The following ADGRL1 variants were observed in gnomAD, a reference collection of about 807,000 sequenced individuals.
ADGRL1 encodes adhesion G protein-coupled receptor L1.
ADGRL1 carries 31 observed loss-of-function variants against 148.9 expected under a neutral mutation model. The observed-to-expected ratio is 0.21, with a 90% confidence interval of 0.16 to 0.28. The LOEUF (loss-of-function observed/expected upper bound fraction) is 0.28, where lower values mean the gene tolerates loss of function less well. Among genes scored for constraint, ADGRL1 ranks in the 10% least tolerant of loss-of-function variants. ADGRL1 has a pLI of 1.00. For synonymous variants in ADGRL1, 937 were observed against 900.3 expected (o/e 1.04, Z -0.73); for missense variants, 1,521 against 2,058.8 (o/e 0.74, Z 5.05).
At chr19:14,156,890 G>T (rs1297683107) in intron 15 of ADGRL1, 35 bp downstream of exon 15, 2 of 1,598,430 alleles carry the variant, frequency 1.3e-6, no homozygotes, top group East Asian at 2.2e-5. Context: ...AGGGAACCAG[G>T]TGGGAGGGTG....
At position 14,163,166 on chromosome 19, in the gene ADGRL1, A is replaced by G; in HGVS notation, c.635T>C (p.Val212Ala). The change falls in exon 5 of 23, where the codon GTG (valine) becomes GCG (alanine). Residue 212 changes from valine to alanine, a missense_variant. This residue lies in a region of ADGRL1 where 334 missense variants were observed against 512.5 expected (regional missense o/e 0.65). Transcript: ENST00000361434. ...LPNRVDGTGF[V>A]VYDGAVFYNK... ...GTAGAAGACGGCACCATCGTAGACC[A>G]CAAAGCCTGTGCCATCCACGCGGTT... is the stretch of plus-strand genomic sequence containing the variant. 1 of 1,613,850 alleles carries G rather than the reference A, an allele frequency of 6.2e-7. No individual in the cohort carries two copies. Among genetic ancestry groups the G allele is most frequent in the Non-Finnish European group, 8.5e-7 (1 of 1,179,982 alleles).
chr19:14,166,631 C>T (rs559126209), intron 4 of ADGRL1, among the ~76,000 whole-genome samples: 5 of 151,636 alleles, frequency 3.3e-5, no homozygotes, highest in East Asian at 1.9e-4. Flanking sequence ...GTGGGGGAGC[C>T]GGGGAAGGGA....
chr19:14,163,436 T>C lies in ADGRL1; in HGVS notation c.395-30A>G, dbSNP rs762826677. The C allele has an allele frequency of 3.7e-6, 5 of 1,369,122 alleles. No homozygotes were observed. The East Asian group carries it at 1.3e-4, about 37-fold the overall frequency. The allele number at this position is 1,369,122 out of a possible 1,614,324, so 84.8% of individuals were successfully genotyped here. On this transcript the variant is annotated intron_variant, in intron 4 of 22. Coordinates refer to ENST00000361434, the MANE Select transcript of ADGRL1 (RefSeq NM_014921.5). The stretch of plus-strand genomic sequence containing the variant: ...GCAGAGTGGGCGGGAGGGGAGGAGG[T>C]AGGAGAGAAGGGGCAGAGGCGAGAG...
At chr19:14,192,167 C>T (rs1183900254) in intron 1 of ADGRL1, among the ~76,000 whole-genome samples, 7 of 152,156 alleles carry the variant, frequency 4.6e-5, no homozygotes, top group African/African-American at 1.7e-4. Flanking sequence ...ACAATTTAGT[C>T]CATAACCTCA....
intron 11 of ADGRL1, among the ~76,000 whole-genome samples, chr19:14,158,883 G>A (rs1969050757): frequency 6.6e-6 from 1 of 152,240 alleles, no homozygotes. Flanking sequence ...TCTGAGCTGT[G>A]AGGCCCAGGA....
chr19:14,199,320 A>G (rs1285211923), intron 1 of ADGRL1, among the ~76,000 whole-genome samples: 1 of 152,004 alleles, frequency 6.6e-6, no homozygotes, highest in Non-Finnish European at 1.5e-5. Context: ...CCAGACACTG[A>G]GGGGCTGGGT....
intron 1 of ADGRL1, among the ~76,000 whole-genome samples, chr19:14,204,201 T>C (rs1422617067): frequency 6.6e-6 from 1 of 152,086 alleles, no homozygotes; most frequent in Admixed American, 6.6e-5. Context: ...ATAATGAAGG[T>C]TGTAATCCTT....
In ADGRL1 at chr19:14,148,408, C is replaced by G. The variant is rs1460444208; in HGVS notation, c.*2465G>C. The G allele has an allele frequency of 6.6e-6, 1 of 152,312 alleles. No individual in the cohort carries two copies. Among genetic ancestry groups the G allele is most frequent in the Non-Finnish European group, 1.5e-5 (1 of 68,108 alleles). The allele number at this position is 152,312 out of a possible 1,614,324, so 9.4% of individuals were successfully genotyped here. The stretch of plus-strand genomic sequence containing the variant: ...AAGGCTGGGCAGGGAGGAAGTTGGC[C>G]TCTCTGTGTGCCTCAGCCCCCTGGA... On this transcript the variant is annotated 3_prime_UTR_variant, in exon 23 of 23. Transcript: ENST00000361434.
intron 1 of ADGRL1, among the ~76,000 whole-genome samples, chr19:14,191,872 T>TC: frequency 6.6e-6 from 1 of 152,186 alleles, no homozygotes; most frequent in East Asian, 1.9e-4. Flanking sequence ...CTTTTTCGAT[T>TC]TTTTTTGTAG....
rs994726861 is a variant in ADGRL1, at chr19:14,157,553, C to T, written c.2536-93G>A. 2.3e-6 allele frequency: 3 copies of T among 1,330,624 alleles called. No homozygotes were observed. Among genetic ancestry groups the T allele is most frequent in the African/African-American group, 1.4e-5 (1 of 69,162 alleles). 82.4% of individuals were successfully genotyped at this position (1,330,624 alleles called of 1,614,324 possible). ...GCCACAGACAGGGCCCTGGGCAAGGCCATGGGCCGTGAGGACCTCTGGTGC... is the reference window on the plus strand; with the variant it reads ...GCCACAGACAGGGCCCTGGGCAAGGTCATGGGCCGTGAGGACCTCTGGTGC... On this transcript the variant is annotated intron_variant, in intron 13 of 22. Coordinates refer to ENST00000361434, the MANE Select transcript of ADGRL1 (RefSeq NM_014921.5). This position sits in a 1 kb window ranked among gnomAD's most constrained non-coding sequence, Gnocchi z 7.5.
chr19:14,186,416 T>C (rs1206702836), intron 1 of ADGRL1, among the ~76,000 whole-genome samples: 1 of 152,200 alleles, frequency 6.6e-6, no homozygotes, highest in Non-Finnish European at 1.5e-5. Context: ...TAATTATTTG[T>C]TGAATGAATC....
At chr19:14,166,670 C>T (rs1044435993) in intron 4 of ADGRL1, among the ~76,000 whole-genome samples, 5 of 139,072 alleles carry the variant, frequency 3.6e-5, no homozygotes, top group African/African-American at 1.3e-4. Context: ...GCCCTGGATG[C>T]TTATACACTT....
Position 14,152,400 on chromosome 19 carries a change from C to A in ADGRL1, c.3558G>T (p.Leu1186=). ...AGGGACTGGTGCCCCCACGGGGCTG[C>A]AGCACGGGGTTGGTCAGCAGGTGGT... ...MGNHLLTNPV[L]QPRGGTSPYN... The change falls in exon 21 of 23, where the codon CTG becomes CTT. Residue 1186 remains leucine, a synonymous_variant. Coordinates refer to ENST00000361434, the MANE Select transcript of ADGRL1 (RefSeq NM_014921.5). This position sits in a 1 kb window ranked among gnomAD's most constrained non-coding sequence, Gnocchi z 6.1. 1 of 1,601,404 alleles carries A rather than the reference C, an allele frequency of 6.2e-7. No homozygotes were observed. The highest frequency in any genetic ancestry group is 1.1e-5 in the South Asian group (1 of 89,592).
rs773656308 is a variant in ADGRL1 at position 14,159,676 on chromosome 19, C to T, written c.1839+59G>A. ...GCATGCCCTCTTCTCAACCTCCACC[C>T]CTAATCCCCCCATCAGCTGGAGCCC... On this transcript the variant is annotated intron_variant, in intron 9 of 22. Transcript: ENST00000361434. The surrounding 1 kb of genome is among the most constrained non-coding windows in gnomAD (Gnocchi z 6.0). 39 of 1,603,418 alleles carry T rather than the reference C, an allele frequency of 2.4e-5. No individual in the cohort carries two copies. Among genetic ancestry groups the T allele is most frequent in the Non-Finnish European group, 3.2e-5 (38 of 1,170,908 alleles).
At chr19:14,186,357 G>A (rs1971572847) in intron 1 of ADGRL1, among the ~76,000 whole-genome samples, 1 of 152,192 alleles carries the variant, frequency 6.6e-6, no homozygotes, top group Admixed American at 6.5e-5. Flanking sequence ...CACCACTGTT[G>A]TCTTCATATC....
intron 3 of ADGRL1, 74 bp from the exon 4 acceptor site, chr19:14,170,865 G>T (rs1970412252): frequency 2.6e-6 from 2 of 773,236 alleles, no homozygotes; most frequent in African/African-American, 1.7e-5. Flanking sequence ...CATGCTCCAG[G>T]GTCATGGTGT....
chr19:14,187,476 CT>C (rs1971647700), intron 1 of ADGRL1, among the ~76,000 whole-genome samples: 1 of 151,776 alleles, frequency 6.6e-6, no homozygotes, highest in African/African-American at 2.4e-5. Context: ...TGAACACCCC[CT>C]CTCCAGCCCT....
intron 2 of ADGRL1, among the ~76,000 whole-genome samples, chr19:14,181,055 T>A (rs1962978): frequency 0.46 from 70,469 of 151,568 alleles, 17,562 homozygotes; most frequent in African/African-American, 0.66. Flanking sequence ...CTCGAAAAAA[T>A]AAATAAATAA....
intron 16 of ADGRL1, 32 bp from the exon 17 acceptor site, chr19:14,156,233 A>G (rs1332837012): frequency 6.5e-7 from 1 of 1,527,724 alleles, no homozygotes; most frequent in Non-Finnish European, 9.0e-7. Flanking sequence ...GGCTGGGCTG[A>G]GAGTGGCCCT....
Sources: allele counts gnomAD v4.1 joint callset (sites outside exome capture counted in the v4.1 genomes callset), GRCh38; gene constraint gnomAD v4.1.1; regional missense constraint gnomAD v4.1.1; non-coding constraint Gnocchi (gnomAD v3.1); transcripts MANE v1.5; gene names NCBI Gene and HGNC (gene_info 2026-07-23, HGNC 2026-07-21).